CFAP46: variants seen among roughly 807,000 people sequenced by gnomAD.
CFAP46 encodes the protein cilia and flagella associated protein 46, also known as cilia- and flagella-associated protein 46.
Under a neutral mutation model 325.7 loss-of-function variants are expected in CFAP46, and 245 were observed. That is an observed-to-expected ratio of 0.75 (90% CI 0.68 to 0.84). The LOEUF (loss-of-function observed/expected upper bound fraction) is 0.84, where lower values mean the gene tolerates loss of function less well. Ranked by LOEUF, CFAP46 falls within the 40% of genes least tolerant of loss-of-function variation. The pLI is 0.00. For missense variants in CFAP46, 3,346 were observed against 3,543.0 expected, an observed-to-expected ratio of 0.94 and a Z score of 1.41; for synonymous variants, 1,523 against 1,495.9, an observed-to-expected ratio of 1.02 and a Z score of -0.42.
intron 34 of CFAP46, among the ~76,000 whole-genome samples, chr10:132,866,723 G>A (rs1269620811): frequency 6.6e-6 from 1 of 152,208 alleles, no homozygotes; most frequent in Non-Finnish European, 1.5e-5. Flanking sequence ...GTCCTGTGCT[G>A]AGCCCCTGTC....
At chr10:132,894,530 A>C (rs571934490) in intron 24 of CFAP46, among the ~76,000 whole-genome samples, 11 of 152,368 alleles carry the variant, frequency 7.2e-5, no homozygotes, top group Admixed American at 7.2e-4. Context: ...TCTACTGTTT[A>C]AAAGTTGGTT....
Position 132,899,063 on chromosome 10 carries a change from T to G in CFAP46, c.3115A>C (p.Asn1039His), listed in dbSNP as rs1341412135. ...LVMLAARHYWNAWLPLLSSAV... is the reference protein window; with the variant it reads ...LVMLAARHYWHAWLPLLSSAV... ...GAGGACAGCAGTGGGAGCCAGGCGTTCCAGTAATGCCGCGCGGCCAGCATC... is the reference window on the plus strand; with the variant it reads ...GAGGACAGCAGTGGGAGCCAGGCGTGCCAGTAATGCCGCGCGGCCAGCATC... Residue 1039 changes from asparagine (N) to histidine (H), a missense_variant, in exon 24 of 58, where the codon AAC becomes CAC. Physicochemically the swap from Asn to His is moderately conservative, Grantham distance 68. Coordinates refer to ENST00000368586, the MANE Select transcript of CFAP46 (RefSeq NM_001200049.3). 1 of 1,550,418 alleles carries G rather than the reference T, an allele frequency of 6.4e-7. No individual in the cohort carries two copies. Among genetic ancestry groups the G allele is most frequent in the East Asian group, 2.4e-5 (1 of 40,916 alleles).
In CFAP46 at chr10:132,863,922, C is replaced by A. The variant is rs1848762566; in HGVS notation, c.4890+2103G>T. 2.0e-5 allele frequency among the ~76,000 whole-genome samples: 3 copies of A among 149,368 alleles called. No individual in the cohort carries two copies. In the South Asian group the frequency reaches 6.5e-4, roughly 32 times the overall value. ...ACCTGTCCCCAGTGCCTGAGACATG[C>A]ACACACCTCTCCCTGCGATCAGAGA... On this transcript the variant is annotated intron_variant, in intron 35 of 57. Coordinates refer to ENST00000368586, the MANE Select transcript of CFAP46 (RefSeq NM_001200049.3).
In CFAP46 at chr10:132,812,860, C is replaced by G. The variant is rs559159150; in HGVS notation, c.7426G>C (p.Gly2476Arg). 3 of 1,610,686 alleles carry G rather than the reference C, an allele frequency of 1.9e-6. No individual in the cohort carries two copies. The highest frequency in any genetic ancestry group is 1.3e-5 in the African/African-American group (1 of 74,890). The change falls in exon 55 of 58, where the codon GGT (glycine) becomes CGT (arginine). Residue 2476 changes from glycine to arginine, a missense_variant. Transcript: ENST00000368586. ...QWEQALGSCS[G>R]FFFYGMESFL... The stretch of plus-strand genomic sequence containing the variant: ...CTCTCCATTCCATAGAAGAAGAAAC[C>G]GCTGCAGCTGCCCAGGGCCTGCTCC...
chr10:132,932,359 G>GC, intron 8 of CFAP46, among the ~76,000 whole-genome samples: 1 of 141,706 alleles, frequency 7.1e-6, no homozygotes, highest in Non-Finnish European at 1.5e-5. Flanking sequence ...CATAGAGCCT[G>GC]GGCTTTCCTC....
chr10:132,846,292 C>T (rs542499174), intron 43 of CFAP46, 65 bp from the exon 44 acceptor site: 109 of 1,543,464 alleles, frequency 7.1e-5, no homozygotes, highest in Middle Eastern at 2.2e-4. Flanking sequence ...TTGCACCCTG[C>T]GGAGGGTGCG....
intron 9 of CFAP46, chr10:132,929,257 T>G (rs1591097028): frequency 1.7e-6 from 1 of 573,458 alleles, no homozygotes; most frequent in South Asian, 2.3e-5. Flanking sequence ...GTAACAGAAG[T>G]GATGTGGCTG....
chr10:132,855,648 C>T (rs1295718546), intron 39 of CFAP46, among the ~76,000 whole-genome samples: 1 of 151,946 alleles, frequency 6.6e-6, no homozygotes, highest in Non-Finnish European at 1.5e-5. Flanking sequence ...TTATGATTTC[C>T]ATTTATCTCC....
intron 25 of CFAP46, among the ~76,000 whole-genome samples, chr10:132,888,755 A>C: frequency 8.7e-6 from 1 of 114,462 alleles, no homozygotes. Context: ...TGCCACCTTC[A>C]CCCCTGCCGC....
chr10:132,920,503 C>T (rs977109281), intron 13 of CFAP46, among the ~76,000 whole-genome samples: 9 of 152,224 alleles, frequency 5.9e-5, no homozygotes, highest in Admixed American at 2.0e-4. Context: ...AGCAGAGGCA[C>T]CCGGCCTCAG....
intron 57 of CFAP46, 102 bp from the exon 58 acceptor site, chr10:132,809,006 T>C: frequency 8.6e-7 from 1 of 1,168,198 alleles, no homozygotes; most frequent in South Asian, 1.6e-5. Flanking sequence ...CTGCTCCAAC[T>C]GAGGGCGCTC....
intron 22 of CFAP46, among the ~76,000 whole-genome samples, chr10:132,906,187 C>T (rs956341712): frequency 9.8e-5 from 15 of 152,350 alleles, no homozygotes; most frequent in Non-Finnish European, 1.6e-4. Flanking sequence ...CCCTTGTGAA[C>T]GTGGGGCACC....
At chr10:132,913,386 G>A (rs1243996566) in intron 17 of CFAP46, 128 bp from the exon 18 acceptor site, 19 of 597,118 alleles carry the variant, frequency 3.2e-5, no homozygotes, top group South Asian at 1.9e-4. Context: ...GGTGGGCGGC[G>A]ACCAAACTCC....
At chr10:132,850,756 A>G (rs2135138803) in intron 40 of CFAP46, among the ~76,000 whole-genome samples, 1 of 152,308 alleles carries the variant, frequency 6.6e-6, no homozygotes, top group South Asian at 2.1e-4. Context: ...TTCCCTCAAA[A>G]CATTCTACAT....
intron 38 of CFAP46, among the ~76,000 whole-genome samples, chr10:132,858,808 C>T (rs982634149): frequency 2.0e-5 from 3 of 152,026 alleles, no homozygotes; most frequent in Admixed American, 1.3e-4. Context: ...TGGATGCCCT[C>T]GAGGAAGGTG....
intron 19 of CFAP46, among the ~76,000 whole-genome samples, chr10:132,911,702 C>A (rs1019076766): frequency 1.3e-5 from 2 of 152,222 alleles, no homozygotes; most frequent in East Asian, 3.8e-4. Context: ...ACAAAATCCA[C>A]ATTCCATGGG....
At chr10:132,905,916 G>C (rs982861546) in intron 22 of CFAP46, among the ~76,000 whole-genome samples, 31 of 152,234 alleles carry the variant, frequency 2.0e-4, no homozygotes, top group Admixed American at 2.0e-3. Flanking sequence ...AGGAAGGCTA[G>C]GGAGGGACAT....
chr10:132,942,116 G>A lies in CFAP46; in HGVS notation c.50-12C>T. ...CAAGGACGCAGCATCTGTCCCAAAC[G>A]GGTGGTTGAGGAAGGTTTGGTCACT... On this transcript the variant is annotated splice_polypyrimidine_tract_variant and intron_variant, in intron 1 of 57. Transcript: ENST00000368586. The A allele has an allele frequency of 1.9e-6, 3 of 1,551,412 alleles. No homozygotes were observed. Among genetic ancestry groups the A allele is most frequent in the Non-Finnish European group, 2.6e-6 (3 of 1,146,858 alleles).
intron 9 of CFAP46, among the ~76,000 whole-genome samples, chr10:132,928,048 G>C (rs1014478203): frequency 6.6e-6 from 1 of 152,206 alleles, no homozygotes; most frequent in Non-Finnish European, 1.5e-5. Context: ...CAGGGGCCAC[G>C]GGCGGTGGGG....
Sources: gnomAD v4.1 joint callset for allele counts (sites outside exome capture counted in the v4.1 genomes callset) on GRCh38, gnomAD v4.1.1 for gene constraint, MANE v1.5 for transcripts, NCBI Gene and HGNC (gene_info 2026-07-23, HGNC 2026-07-21) for gene names.